The following CTNNA2 variants were observed in gnomAD, a reference collection of about 807,000 sequenced individuals.
CTNNA2 encodes the protein catenin alpha 2, also known as catenin alpha-2.
CTNNA2 carries 42 observed loss-of-function variants against 101.0 expected under a neutral mutation model. The observed-to-expected ratio is 0.42, with a 90% confidence interval of 0.32 to 0.54. CTNNA2 has a LOEUF of 0.54. Among genes scored for constraint, CTNNA2 ranks in the 20% least tolerant of loss-of-function variants. The pLI, the probability that CTNNA2 is intolerant of heterozygous loss-of-function variation, is 0.14. For synonymous variants in CTNNA2, 450 were observed against 456.4 expected (o/e 0.99, Z 0.18); for missense variants, 871 against 1,223.1 (o/e 0.71, Z 4.29).
rs374732813 is a variant in CTNNA2, at chr2:80,518,017, G to A, written c.1291-26965G>A. 6.6e-5 allele frequency among the ~76,000 whole-genome samples: 10 copies of A among 152,296 alleles called. No individual in the cohort carries two copies. The South Asian group carries it at 1.0e-3, about 16-fold the overall frequency. ...TTCAGGTGACGGGCAGTAAATGCAA[G>A]CATTTGCTCCAAGGCAAGACACCAG... is the stretch of plus-strand genomic sequence containing the variant. On this transcript the variant is annotated intron_variant, in intron 9 of 18. Transcript: ENST00000402739.
chr2:80,494,182 G>A (rs1204126386), intron 9 of CTNNA2, among the ~76,000 whole-genome samples: 2 of 152,172 alleles, frequency 1.3e-5, no homozygotes, highest in African/African-American at 4.8e-5. Flanking sequence ...ATGTCTGGGA[G>A]AGTCTTAAAC....
intron 2 of CTNNA2, among the ~76,000 whole-genome samples, chr2:79,214,777 A>G (rs1674225663): frequency 6.6e-6 from 1 of 152,102 alleles, no homozygotes; most frequent in Admixed American, 6.6e-5. Flanking sequence ...TTTGGTTAAA[A>G]TATCTCGGCC....
At chr2:80,355,885 C>A (rs895043395) in intron 7 of CTNNA2, among the ~76,000 whole-genome samples, 1 of 152,090 alleles carries the variant, frequency 6.6e-6, no homozygotes, top group South Asian at 2.1e-4. Context: ...AAAAAGTATT[C>A]ACCTTCCATG....
At chr2:80,470,152 G>A (rs1046135191) in intron 9 of CTNNA2, among the ~76,000 whole-genome samples, 3 of 152,120 alleles carry the variant, frequency 2.0e-5, no homozygotes, top group African/African-American at 7.2e-5. Context: ...AGAAATCCCT[G>A]ACAAATAGTC....
In CTNNA2 at chr2:80,643,114, C is replaced by T. The variant is rs141532177; in HGVS notation, c.2575-4471C>T. Among the ~76,000 whole-genome samples the T allele has an allele frequency of 4.3e-3, 653 of 152,174 alleles. 9 individuals are homozygous for T. Among genetic ancestry groups the T allele is most frequent in the African/African-American group, 0.015 (627 of 41,494 alleles). The stretch of plus-strand genomic sequence containing the variant: ...GTTTTAAGAGAATCATAATAATTAG[C>T]AGAAGTCTAATTTCCTGTGGTTAGG... On this transcript the variant is annotated intron_variant, in intron 18 of 18. Coordinates refer to ENST00000402739, the MANE Select transcript of CTNNA2 (RefSeq NM_001282597.3).
intron 12 of CTNNA2, among the ~76,000 whole-genome samples, chr2:80,561,156 A>C (rs1261114690): frequency 6.6e-6 from 1 of 152,046 alleles, no homozygotes; most frequent in Non-Finnish European, 1.5e-5. Context: ...GGGGGACTGG[A>C]GTATGAGATT....
intron 2 of CTNNA2, among the ~76,000 whole-genome samples, chr2:79,240,762 G>A (rs2104254453): frequency 6.6e-6 from 1 of 152,278 alleles, no homozygotes. Flanking sequence ...GGGCAATGAG[G>A]TTTCTGGGGG....
intron 3 of CTNNA2, among the ~76,000 whole-genome samples, chr2:79,814,180 G>A (rs751424568): frequency 1.3e-5 from 2 of 152,056 alleles, no homozygotes; most frequent in Non-Finnish European, 2.9e-5. Flanking sequence ...TGATTTCATC[G>A]TGAGGTCCGA....
intron 1 of CTNNA2, among the ~76,000 whole-genome samples, chr2:79,643,633 T>A (rs1023807092): frequency 6.6e-6 from 1 of 152,170 alleles, no homozygotes; most frequent in African/African-American, 2.4e-5. Flanking sequence ...TATTACCACT[T>A]AGTTTTTGAA....
intron 2 of CTNNA2, 112 bp from the exon 3 acceptor site, chr2:79,744,275 A>T: frequency 2.0e-6 from 2 of 1,016,642 alleles, no homozygotes; most frequent in Non-Finnish European, 1.4e-6. Flanking sequence ...TTCATGATTT[A>T]GTATTGAAAT....
At chr2:79,187,930 A>G (rs1290488292) in intron 1 of CTNNA2, among the ~76,000 whole-genome samples, 1 of 152,208 alleles carries the variant, frequency 6.6e-6, no homozygotes, top group Non-Finnish European at 1.5e-5. Flanking sequence ...TAATAAACAC[A>G]TATGAAAACT....
intron 3 of CTNNA2, among the ~76,000 whole-genome samples, chr2:79,802,730 C>T (rs1042364644): frequency 6.6e-6 from 1 of 152,224 alleles, no homozygotes; most frequent in Non-Finnish European, 1.5e-5. Flanking sequence ...TGCAGATTGA[C>T]TGTGTGTTCA....
At chr2:79,773,130 A>G (rs1435428475) in intron 3 of CTNNA2, among the ~76,000 whole-genome samples, 2 of 152,200 alleles carry the variant, frequency 1.3e-5, no homozygotes, top group Non-Finnish European at 2.9e-5. Flanking sequence ...GGTTGGAGTG[A>G]ACAGCCATAA....
chr2:80,468,864 A>G (rs544283813), intron 9 of CTNNA2, among the ~76,000 whole-genome samples: 1 of 152,312 alleles, frequency 6.6e-6, no homozygotes, highest in African/African-American at 2.4e-5. Flanking sequence ...ATGATGGAGG[A>G]GGATGATGAA....
intron 7 of CTNNA2, among the ~76,000 whole-genome samples, chr2:80,182,660 G>C (rs1355954842): frequency 1.3e-5 from 2 of 152,206 alleles, no homozygotes; most frequent in African/African-American, 2.4e-5. Flanking sequence ...ATAAGGATTA[G>C]ATTGAAAATG....
chr2:79,934,477 A>C (rs1687650476), intron 7 of CTNNA2, among the ~76,000 whole-genome samples: 1 of 152,222 alleles, frequency 6.6e-6, no homozygotes, highest in Non-Finnish European at 1.5e-5. Context: ...CAAATAAGTC[A>C]ATATGATTGG....
chr2:79,806,777 G>A (rs1452760184), intron 3 of CTNNA2, among the ~76,000 whole-genome samples: 1 of 151,846 alleles, frequency 6.6e-6, no homozygotes, highest in African/African-American at 2.4e-5. Flanking sequence ...GAAAGTTATA[G>A]CATCTCTGGG....
chr2:79,221,327 T>C (rs541882214), intron 2 of CTNNA2, among the ~76,000 whole-genome samples: 1 of 152,246 alleles, frequency 6.6e-6, no homozygotes, highest in East Asian at 1.9e-4. Flanking sequence ...TATTTTTGTT[T>C]TGTTTTGCAG....
At chr2:79,311,818 G>A (rs868578678) in intron 2 of CTNNA2, among the ~76,000 whole-genome samples, 4 of 152,160 alleles carry the variant, frequency 2.6e-5, no homozygotes, top group Admixed American at 2.6e-4. Context: ...TTAAAATGTG[G>A]AATTAATGTG....
Sources: gnomAD v4.1 joint callset for allele counts (sites outside exome capture counted in the v4.1 genomes callset) on GRCh38, gnomAD v4.1.1 for gene constraint, MANE v1.5 for transcripts, NCBI Gene and HGNC (gene_info 2026-07-23, HGNC 2026-07-21) for gene names.